The following CHL1 variants were observed in gnomAD, a reference collection of about 807,000 sequenced individuals.
CHL1 encodes neural cell adhesion molecule L1-like protein.
CHL1 carries 96 observed loss-of-function variants against 141.9 expected under a neutral mutation model. The observed-to-expected ratio is 0.68, with a 90% confidence interval of 0.57 to 0.80. The LOEUF is 0.80. CHL1 is among the 30% of genes least tolerant of loss of function. The pLI is 0.00. For synonymous variants in CHL1, 613 were observed against 502.2 expected, an observed-to-expected ratio of 1.22 and a Z score of -2.95; for missense variants, 1,820 against 1,457.2, an observed-to-expected ratio of 1.25 and a Z score of -4.05.
Position 366,074 on chromosome 3 carries a change from A to T in CHL1, c.1710A>T (p.Lys570Asn). 1 of 1,613,950 alleles carries T rather than the reference A, an allele frequency of 6.2e-7. No homozygotes were observed. The highest frequency in any genetic ancestry group is 2.2e-5 in the East Asian group (1 of 44,862). Residue 570 changes from lysine to asparagine, a missense_variant, in exon 15 of 28, where the codon AAA becomes AAT. By Grantham distance (94) the Lys-to-Asn change is moderately conservative. Transcript: ENST00000256509. ...LKHSLKLSWS[K>N]DGEAFEINGT... ...ACAGTTTGAAGTTGTCCTGGAGTAA[A>T]GATGGAGAAGCCTTTGAAATTAATG... is the stretch of plus-strand genomic sequence containing the variant.
At chr3:339,755 T>C (rs1702217358) in intron 5 of CHL1, among the ~76,000 whole-genome samples, 1 of 152,126 alleles carries the variant, frequency 6.6e-6, no homozygotes, top group African/African-American at 2.4e-5. Context: ...ATATAGGAAG[T>C]GCACAAAGCT....
At chr3:332,227 A>G (rs1013535183) in intron 5 of CHL1, among the ~76,000 whole-genome samples, 8 of 152,228 alleles carry the variant, frequency 5.3e-5, no homozygotes, top group African/African-American at 1.9e-4. Context: ...ATACTATTCA[A>G]TAGTAAATAA....
rs754081222 is a variant in CHL1, at chr3:328,315, G to C, written c.346G>C (p.Gly116Arg). The change falls in exon 5 of 28, where the codon GGA (glycine) becomes CGA (arginine). Residue 116 changes from glycine (G) to arginine (R), a missense_variant. Gly to Arg is a moderately radical substitution (Grantham distance 125, BLOSUM62 -2). Coordinates refer to ENST00000256509, the MANE Select transcript of CHL1 (RefSeq NM_006614.4). ...CCGCTGCTTTGCTTCAAATAAACTGGGAATCGCTATGTCAGAAGAAATAGA... is the reference window on the plus strand; with the variant it reads ...CCGCTGCTTTGCTTCAAATAAACTGCGAATCGCTATGTCAGAAGAAATAGA... ...KYRCFASNKL[G>R]IAMSEEIEFI... is the part of the protein sequence containing the mutation. 2 of 1,611,400 alleles carry C rather than the reference G, an allele frequency of 1.2e-6. No homozygotes were observed. Among genetic ancestry groups the C allele is most frequent in the Non-Finnish European group, 1.7e-6 (2 of 1,178,500 alleles).
At chr3:242,141 T>C (rs1559323885) in intron 1 of CHL1, among the ~76,000 whole-genome samples, 1 of 152,118 alleles carries the variant, frequency 6.6e-6, no homozygotes, top group East Asian at 1.9e-4. Flanking sequence ...GAGAGAAATG[T>C]TTAAAAATGA....
chr3:221,003 C>A (rs573211571), intron 1 of CHL1, among the ~76,000 whole-genome samples: 2 of 152,198 alleles, frequency 1.3e-5, no homozygotes, highest in East Asian at 3.9e-4. Flanking sequence ...AAGACACTCC[C>A]TTCTATCGAT....
chr3:225,730 C>T (rs1701260530), intron 1 of CHL1, among the ~76,000 whole-genome samples: 1 of 152,082 alleles, frequency 6.6e-6, no homozygotes, highest in Non-Finnish European at 1.5e-5. Flanking sequence ...TAGGTTATGG[C>T]CAAGCGTGGT....
chr3:383,747 G>T (rs940179391), intron 18 of CHL1, 69 bp from the exon 19 acceptor site: 4 of 987,146 alleles, frequency 4.1e-6, no homozygotes, highest in Admixed American at 1.8e-5. Flanking sequence ...TTGGGGGGCA[G>T]GAGTTGTGAT....
chr3:233,365 C>T (rs948481312), intron 1 of CHL1, among the ~76,000 whole-genome samples: 1 of 152,096 alleles, frequency 6.6e-6, no homozygotes, highest in Admixed American at 6.6e-5. Flanking sequence ...TCTATACCAG[C>T]CCCCAACCCC....
rs540295369 is a variant in CHL1, at chr3:344,561, A to C, written c.728-28A>C. ...ATTTTATGTATATTAATTTGAAAAA[A>C]TTCTGACTTTTCTTTTCTATTTTGT... On this transcript the variant is annotated intron_variant, in intron 8 of 27. Transcript: ENST00000256509. The C allele has an allele frequency of 1.1e-5, 18 of 1,578,968 alleles. No homozygotes were observed. The African/African-American group carries it at 2.3e-4, about 20-fold the overall frequency.
chr3:346,563 T>A (rs1702785853), intron 9 of CHL1, among the ~76,000 whole-genome samples: 1 of 152,200 alleles, frequency 6.6e-6, no homozygotes, highest in Non-Finnish European at 1.5e-5. Flanking sequence ...AATGCTCTCA[T>A]GTGCTTTTTA....
At chr3:336,386 C>A (rs7649544) in intron 5 of CHL1, among the ~76,000 whole-genome samples, 136,242 of 152,198 alleles carry the variant, frequency 0.9, 61,078 homozygotes, top group East Asian at 0.99. Context: ...TTTTTCATCA[C>A]AGTGGTTAGT....
At chr3:384,793 C>G (rs186088500) in intron 19 of CHL1, 1 of 152,210 alleles carries the variant, frequency 6.6e-6, no homozygotes, top group East Asian at 1.9e-4. Context: ...TAATTTATTT[C>G]CACAATTCAT....
intron 3 of CHL1, among the ~76,000 whole-genome samples, chr3:321,079 A>G (rs981255113): frequency 1.2e-4 from 18 of 152,100 alleles, no homozygotes; most frequent in African/African-American, 4.1e-4. Flanking sequence ...ATGTCAATAG[A>G]AAGGAAACAA....
At chr3:251,280 G>A (rs1174552117) in intron 2 of CHL1, among the ~76,000 whole-genome samples, 1 of 152,096 alleles carries the variant, frequency 6.6e-6, no homozygotes, top group Non-Finnish European at 1.5e-5. Context: ...CACCTCTCAG[G>A]CAGAGGACAG....
chr3:344,607 G>A lies in CHL1; in HGVS notation c.746G>A (p.Arg249Lys), dbSNP rs750648856. 6.2e-7 allele frequency: 1 copy of A among 1,610,950 alleles called. No individual in the cohort carries two copies. The highest frequency in any genetic ancestry group is 8.5e-7 in the Non-Finnish European group (1 of 1,178,700). ...IGSKANSIKQ[R>K]KPKLLLPPTE... is the part of the protein sequence containing the mutation. The stretch of plus-strand genomic sequence containing the variant: ...TTTGTAGCAAATTCCATCAAGCAAA[G>A]AAAACCCAAACTGCTGTTGCCTCCC... Residue 249 changes from arginine to lysine, a missense_variant, in exon 9 of 28, where the codon AGA becomes AAA. Arg to Lys is a conservative substitution (Grantham distance 26). Transcript: ENST00000256509.
chr3:245,045 G>A (rs1693033329), intron 2 of CHL1, among the ~76,000 whole-genome samples: 1 of 152,066 alleles, frequency 6.6e-6, no homozygotes, highest in Non-Finnish European at 1.5e-5. Context: ...GATTTGAGAA[G>A]GTTGACTTCT....
At chr3:399,270 G>A (rs1708921088) in intron 26 of CHL1, 122 bp downstream of exon 26, 3 of 708,640 alleles carry the variant, frequency 4.2e-6, no homozygotes, top group South Asian at 3.5e-5. Context: ...CAAGTTAGAT[G>A]TACAATGCAC....
chr3:299,890 G>A (rs1158945414), intron 2 of CHL1, among the ~76,000 whole-genome samples: 2 of 152,136 alleles, frequency 1.3e-5, no homozygotes, highest in African/African-American at 4.8e-5. Flanking sequence ...TCAAAACAAG[G>A]TCACTGCTAC....
At chr3:214,990 G>T (rs1051372753) in intron 1 of CHL1, among the ~76,000 whole-genome samples, 1 of 148,228 alleles carries the variant, frequency 6.7e-6, no homozygotes, top group Non-Finnish European at 1.5e-5. Flanking sequence ...ACACGTAACT[G>T]CTCTTTTGCA....
Sources: allele counts gnomAD v4.1 joint callset (sites outside exome capture counted in the v4.1 genomes callset), GRCh38; gene constraint gnomAD v4.1.1; transcripts MANE v1.5; gene names NCBI Gene and HGNC (gene_info 2026-07-23, HGNC 2026-07-21).